The following DOCK1 variants were observed in gnomAD, a reference collection of about 807,000 sequenced individuals.
DOCK1 encodes the protein dedicator of cytokinesis 1, also known as dedicator of cytokinesis protein 1.
DOCK1 carries 138 observed loss-of-function variants against 262.7 expected under a neutral mutation model. That is an observed-to-expected ratio of 0.53 (90% CI 0.46 to 0.61). The LOEUF (loss-of-function observed/expected upper bound fraction) is 0.61, where lower values mean the gene tolerates loss of function less well. Ranked by LOEUF, DOCK1 falls within the 20% of genes least tolerant of loss-of-function variation. The pLI is 0.00. For synonymous variants in DOCK1, 866 were observed against 867.4 expected, an observed-to-expected ratio of 1.00 and a Z score of 0.03; for missense variants, 1,908 against 2,370.7, an observed-to-expected ratio of 0.80 and a Z score of 4.05.
At chr10:126,983,979 T>TG (rs2039166117) in intron 4 of DOCK1, among the ~76,000 whole-genome samples, 1 of 152,214 alleles carries the variant, frequency 6.6e-6, no homozygotes, top group Non-Finnish European at 1.5e-5. Flanking sequence ...CGTTGGTCCT[T>TG]GCTTCACTGA....
chr10:127,284,979 A>T (rs1288937548), intron 29 of DOCK1, among the ~76,000 whole-genome samples: 1 of 152,076 alleles, frequency 6.6e-6, no homozygotes. Context: ...CAAAAAAAAA[A>T]TTTAAAAATT....
chr10:127,396,195 G>T (rs1341582408), intron 38 of DOCK1, among the ~76,000 whole-genome samples: 2 of 148,028 alleles, frequency 1.4e-5, no homozygotes, highest in African/African-American at 5.0e-5. Flanking sequence ...CTGCAGTGAT[G>T]CTGGCTGCAT....
At chr10:127,130,184 A>G (rs578090797) in intron 27 of DOCK1, among the ~76,000 whole-genome samples, 5 of 149,456 alleles carry the variant, frequency 3.3e-5, no homozygotes, top group African/African-American at 1.3e-4. Flanking sequence ...CCTGGGTTCA[A>G]GTGATTCTTG....
chr10:127,259,791 T>TG (rs2059956890), intron 29 of DOCK1, among the ~76,000 whole-genome samples: 1 of 35,848 alleles, frequency 2.8e-5, no homozygotes, highest in Non-Finnish European at 6.9e-5. Flanking sequence ...AGTTCATGAT[T>TG]TTTTTTTTTT....
At chr10:127,053,019 T>C (rs1017369193) in intron 22 of DOCK1, among the ~76,000 whole-genome samples, 1 of 152,200 alleles carries the variant, frequency 6.6e-6, no homozygotes, top group African/African-American at 2.4e-5. Context: ...CTGCCGGTGC[T>C]GAGGCGGGAG....
chr10:127,159,313 A>C (rs2053380805), intron 27 of DOCK1, among the ~76,000 whole-genome samples: 2 of 152,032 alleles, frequency 1.3e-5, no homozygotes, highest in Non-Finnish European at 1.5e-5. Context: ...AGTCAGGGCT[A>C]CCTCTCTGTA....
chr10:127,063,648 G>A (rs865947764), intron 23 of DOCK1, among the ~76,000 whole-genome samples: 6 of 152,286 alleles, frequency 3.9e-5, no homozygotes, highest in Middle Eastern at 3.4e-3. Context: ...GAATTCAGTG[G>A]CATTTTAGAA....
intron 1 of DOCK1, among the ~76,000 whole-genome samples, chr10:126,929,037 A>G (rs1239553487): frequency 6.6e-6 from 1 of 152,204 alleles, no homozygotes. Context: ...GAAAGACTGT[A>G]GGCTGGAGGC....
intron 27 of DOCK1, among the ~76,000 whole-genome samples, chr10:127,169,089 T>C (rs1217132137): frequency 6.6e-6 from 1 of 152,180 alleles, no homozygotes; most frequent in African/African-American, 2.4e-5. Flanking sequence ...GCAAACATGT[T>C]CTGTGATGGC....
At chr10:127,124,188 G>A (rs2049798450) in intron 25 of DOCK1, among the ~76,000 whole-genome samples, 1 of 152,222 alleles carries the variant, frequency 6.6e-6, no homozygotes, top group Non-Finnish European at 1.5e-5. Flanking sequence ...TGTACTTAGA[G>A]GAACCATTCC....
chr10:126,959,448 C>G (rs1352007201), intron 1 of DOCK1, among the ~76,000 whole-genome samples: 1 of 152,080 alleles, frequency 6.6e-6, no homozygotes, highest in Non-Finnish European at 1.5e-5. Context: ...TTATATAAAA[C>G]CCATCTGATG....
chr10:127,122,950 C>T (rs1564819148), intron 25 of DOCK1, among the ~76,000 whole-genome samples: 1 of 152,156 alleles, frequency 6.6e-6, no homozygotes, highest in Non-Finnish European at 1.5e-5. Flanking sequence ...GCCTACCCAG[C>T]ATGACAGATA....
At chr10:127,123,096 GCCTGTACT>G (rs2049715341) in intron 25 of DOCK1, among the ~76,000 whole-genome samples, 1 of 152,202 alleles carries the variant, frequency 6.6e-6, no homozygotes, top group Non-Finnish European at 1.5e-5. Flanking sequence ...CCTCCTTCCA[GCCTGTACT>G]GGCTGGTCCG....
chr10:127,442,813 C>A (rs1024260651), intron 49 of DOCK1, among the ~76,000 whole-genome samples: 1 of 152,196 alleles, frequency 6.6e-6, no homozygotes. Flanking sequence ...CTTGACCGCA[C>A]GGATGTTGCC....
At chr10:127,172,071 TAC>T (rs2054623707) in intron 27 of DOCK1, among the ~76,000 whole-genome samples, 1 of 152,232 alleles carries the variant, frequency 6.6e-6, no homozygotes. Flanking sequence ...TGTATCAGTG[TAC>T]ACAGAGTGCA....
At chr10:127,274,775 A>AT (rs371627837) in intron 29 of DOCK1, among the ~76,000 whole-genome samples, 3 of 151,942 alleles carry the variant, frequency 2.0e-5, no homozygotes, top group African/African-American at 7.3e-5. Context: ...AACCCTGTTT[A>AT]TTTTTTTTCC....
intron 1 of DOCK1, among the ~76,000 whole-genome samples, chr10:126,917,437 C>T (rs1002475520): frequency 1.3e-5 from 2 of 152,150 alleles, no homozygotes; most frequent in African/African-American, 4.8e-5. Context: ...CTGTGGGTGC[C>T]TGCAGCCAGC....
At chr10:127,042,434 T>C (rs2044079678) in intron 19 of DOCK1, among the ~76,000 whole-genome samples, 191 bp from the exon 20 acceptor site, 1 of 152,190 alleles carries the variant, frequency 6.6e-6, no homozygotes, top group South Asian at 2.1e-4. Flanking sequence ...GTGGCATTTC[T>C]TTGTTCTGAA....
intron 29 of DOCK1, among the ~76,000 whole-genome samples, chr10:127,321,871 G>A (rs1456404575): frequency 6.6e-6 from 1 of 152,118 alleles, no homozygotes; most frequent in African/African-American, 2.4e-5. Flanking sequence ...GGGAGGCCAA[G>A]GCGGGCCAAT....
Sources: gnomAD v4.1 joint callset for allele counts (sites outside exome capture counted in the v4.1 genomes callset) on GRCh38, gnomAD v4.1.1 for gene constraint, MANE v1.5 for transcripts, NCBI Gene and HGNC (gene_info 2026-07-23, HGNC 2026-07-21) for gene names.